The following NPIPB2 variants were observed in gnomAD, a reference collection of about 807,000 sequenced individuals.
NPIPB2 encodes the protein nuclear pore complex-interacting protein family member B2.
A neutral mutation model predicts 30.8 loss-of-function variants in NPIPB2; 27 were observed. The observed-to-expected ratio is 0.88, with a 90% CI of 0.65 to 1.21. NPIPB2 has a LOEUF of 1.21. NPIPB2 is among the 50% of genes most tolerant of loss of function. The probability of loss-of-function intolerance (pLI) is 0.00; values close to 1 mark genes in which losing one functional copy is unlikely to be tolerated. For synonymous variants in NPIPB2, 147 were observed against 162.0 expected (o/e 0.91, Z 0.70); for missense variants, 440 against 446.2 (o/e 0.99, Z 0.13).
intron 1 of NPIPB2, among the ~76,000 whole-genome samples, chr16:11,948,541 T>C (rs1175726529): frequency 2.6e-5 from 4 of 151,872 alleles, no homozygotes; most frequent in Admixed American, 1.3e-4. Context: ...CCGAGGCGGA[T>C]GGATCACGAG....
At position 11,973,385 on chromosome 16, in the gene NPIPB2, G is replaced by T. The variant is rs549293142; in HGVS notation, c.-584+3183C>A. On this transcript the variant is annotated intron_variant, in intron 1 of 5. Transcript: ENST00000538896. ...CCATGATTTCCATAGCTGGGATTTG[G>T]TTCTTTCCACTGTGGGGGCCAAGGG... 1.5e-3 allele frequency among the ~76,000 whole-genome samples: 226 copies of T among 152,122 alleles called. 2 individuals carry two copies. The Middle Eastern group carries it at 0.024, about 16-fold the overall frequency.
chr16:11,949,413 G>A (rs1223626061), intron 1 of NPIPB2, among the ~76,000 whole-genome samples: 2 of 152,126 alleles, frequency 1.3e-5, no homozygotes, highest in African/African-American at 4.8e-5. Context: ...TTCCCACCCA[G>A]GCTCATGTGA....
At chr16:11,975,996 C>T (rs1490324837) in intron 1 of NPIPB2, among the ~76,000 whole-genome samples, 1 of 151,926 alleles carries the variant, frequency 6.6e-6, no homozygotes, top group African/African-American at 2.4e-5. Context: ...GCCCAGGCTG[C>T]TCTTGAACTG....
intron 1 of NPIPB2, among the ~76,000 whole-genome samples, chr16:11,949,805 T>C (rs1223059091): frequency 2.0e-5 from 3 of 152,162 alleles, no homozygotes; most frequent in South Asian, 2.1e-4. Flanking sequence ...AGAGCGACAT[T>C]GGGTGTCACC....
At chr16:11,943,099 A>G (rs1485809880), upstream of NPIPB2, among the ~76,000 whole-genome samples, 2 of 152,132 alleles carry the variant, frequency 1.3e-5, no homozygotes, top group Non-Finnish European at 1.5e-5. Context: ...AGGTGGGCGG[A>G]TCACAAGGTC....
At chr16:11,944,517 C>T (rs2054981619), upstream of NPIPB2, among the ~76,000 whole-genome samples, 2 of 151,468 alleles carry the variant, frequency 1.3e-5, no homozygotes. Context: ...AATCCCAGCA[C>T]TTTGGGAGGC....
At chr16:11,952,261 T>C (rs2055074237) in intron 1 of NPIPB2, among the ~76,000 whole-genome samples, 1 of 150,590 alleles carries the variant, frequency 6.6e-6, no homozygotes, top group African/African-American at 2.4e-5. Flanking sequence ...GGCAGGAGAA[T>C]GGTGTGAACC....
chr16:11,932,993 G>T (rs2054811316), intron 4 of NPIPB2, among the ~76,000 whole-genome samples: 1 of 151,148 alleles, frequency 6.6e-6, no homozygotes, highest in Admixed American at 6.6e-5. Context: ...GGCTGTGGTG[G>T]CTCATGCCTC....
intron 1 of NPIPB2, among the ~76,000 whole-genome samples, chr16:11,976,036 C>T (rs1476259800): frequency 6.6e-6 from 1 of 152,058 alleles, no homozygotes; most frequent in Non-Finnish European, 1.5e-5. Context: ...CTGCCTCCGC[C>T]CTCCCAAGTG....
chr16:11,967,209 C>T, intron 1 of NPIPB2: 1 of 208,446 alleles, frequency 4.8e-6, no homozygotes, highest in East Asian at 1.2e-4. Flanking sequence ...ATCATGTTGG[C>T]CAGGATGGTC....
chr16:11,933,595 T>C, exon 4 of NPIPB2: 1 of 1,552,358 alleles, frequency 6.4e-7, no homozygotes, highest in Non-Finnish European at 8.6e-7. Context: ...CTTACGGATT[T>C]TAGCTCTACC....
At chr16:11,965,176 G>A (rs1555510287) in intron 1 of NPIPB2, 3 of 922,280 alleles carry the variant, frequency 3.3e-6, no homozygotes, top group Non-Finnish European at 5.0e-6. Flanking sequence ...GACACAGACA[G>A]CCCCCGTAAG....
chr16:11,955,923 C>G (rs990411025), intron 1 of NPIPB2, among the ~76,000 whole-genome samples: 5 of 151,398 alleles, frequency 3.3e-5, no homozygotes, highest in Admixed American at 2.7e-4. Context: ...ACCGGTCACC[C>G]ACTTAGATGA....
At chr16:11,938,443 G>T (rs2150915294) in intron 1 of NPIPB2, among the ~76,000 whole-genome samples, 1 of 152,128 alleles carries the variant, frequency 6.6e-6, no homozygotes, top group East Asian at 1.9e-4. Flanking sequence ...TGATTCTTCT[G>T]CCTCAGCCTC....
At chr16:11,943,876 T>C (rs2054971587), upstream of NPIPB2, among the ~76,000 whole-genome samples, 1 of 149,746 alleles carries the variant, frequency 6.7e-6, no homozygotes, top group Admixed American at 6.8e-5. Flanking sequence ...CGGGCGCCTG[T>C]AATCCCAGCT....
chr16:11,938,800 T>C (rs2054901497), intron 1 of NPIPB2, among the ~76,000 whole-genome samples: 1 of 152,014 alleles, frequency 6.6e-6, no homozygotes, highest in Admixed American at 6.6e-5. Context: ...CCAGGCTAGA[T>C]TGCAGTGGCA....
At chr16:11,959,695 A>C (rs1165369502) in intron 1 of NPIPB2, among the ~76,000 whole-genome samples, 2 of 152,238 alleles carry the variant, frequency 1.3e-5, no homozygotes, top group Non-Finnish European at 2.9e-5. Flanking sequence ...TGCCAGAGAC[A>C]GTCCATCAGT....
chr16:11,936,372 C>T (rs1051760271), intron 2 of NPIPB2, among the ~76,000 whole-genome samples: 2 of 150,742 alleles, frequency 1.3e-5, no homozygotes, highest in Non-Finnish European at 3.0e-5. Context: ...CTGTTCAGGA[C>T]TAAGTGGCAT....
At chr16:11,945,279 G>A (rs2054994316), upstream of NPIPB2, among the ~76,000 whole-genome samples, 1 of 152,174 alleles carries the variant, frequency 6.6e-6, no homozygotes, top group South Asian at 2.1e-4. Context: ...TACTTGGAAG[G>A]CTGAGGCAGG....
Sources: gnomAD v4.1 joint callset for allele counts (sites outside exome capture counted in the v4.1 genomes callset) on GRCh38, gnomAD v4.1.1 for gene constraint, MANE v1.5 for transcripts, NCBI Gene and HGNC (gene_info 2026-07-23, HGNC 2026-07-21) for gene names.